The following EFCAB5 variants were observed in gnomAD, a reference collection of about 807,000 sequenced individuals.
The protein encoded by EFCAB5 is EF-hand calcium binding domain 5.
EFCAB5 carries 131 observed loss-of-function variants against 167.9 expected under a neutral mutation model. The ratio of observed to expected loss-of-function variants is 0.78; its 90% confidence interval spans 0.68 to 0.90. The LOEUF is 0.90. Among genes scored for constraint, EFCAB5 ranks in the 40% least tolerant of loss-of-function variants. EFCAB5 has a pLI of 0.00. For missense variants in EFCAB5, 1,663 were observed against 1,745.2 expected (o/e 0.95, Z 0.84); for synonymous variants, 574 against 602.8 (o/e 0.95, Z 0.70).
chr17:30,012,083 G>A (rs1490676743), intron 7 of EFCAB5, among the ~76,000 whole-genome samples: 1 of 152,194 alleles, frequency 6.6e-6, no homozygotes. Context: ...CCCAGACAGG[G>A]CCACCAGAGG....
chr17:29,973,874 A>G (rs1324270986), intron 4 of EFCAB5, among the ~76,000 whole-genome samples: 1 of 150,886 alleles, frequency 6.6e-6, no homozygotes, highest in African/African-American at 2.4e-5. Context: ...AAGCTTCAAA[A>G]TGGCCCAGCG....
At chr17:30,049,045 C>G (rs2070008653) in intron 8 of EFCAB5, among the ~76,000 whole-genome samples, 1 of 151,932 alleles carries the variant, frequency 6.6e-6, no homozygotes, top group African/African-American at 2.4e-5. Flanking sequence ...ATACATAGAC[C>G]TTGATTGTAT....
chr17:30,099,626 A>G (rs1039878009), intron 22 of EFCAB5, among the ~76,000 whole-genome samples: 6 of 152,118 alleles, frequency 3.9e-5, no homozygotes, highest in Admixed American at 3.9e-4. Flanking sequence ...GGCTTTTTCA[A>G]TTGTGAAATC....
intron 6 of EFCAB5, among the ~76,000 whole-genome samples, chr17:29,999,512 A>T (rs1173706357): frequency 6.6e-6 from 1 of 152,122 alleles, no homozygotes; most frequent in East Asian, 1.9e-4. Flanking sequence ...TTTATGCATT[A>T]TTTAATTTAA....
chr17:30,030,417 C>T (rs1233215071), intron 7 of EFCAB5, among the ~76,000 whole-genome samples: 10 of 152,148 alleles, frequency 6.6e-5, no homozygotes, highest in Non-Finnish European at 1.2e-4. Context: ...AATCTCGGCT[C>T]ATTGCAACCT....
At chr17:29,945,003 C>G (rs935673509) in intron 3 of EFCAB5, among the ~76,000 whole-genome samples, 1 of 152,138 alleles carries the variant, frequency 6.6e-6, no homozygotes, top group African/African-American at 2.4e-5. Context: ...TAGCCCCATC[C>G]TTAACCCAAA....
intron 3 of EFCAB5, 96 bp downstream of exon 3, chr17:29,943,745 G>A (rs2067339391): frequency 1.0e-5 from 11 of 1,063,926 alleles, no homozygotes; most frequent in African/African-American, 4.9e-5. Flanking sequence ...AGGCCGAGGC[G>A]GGTGGATCAT....
chr17:30,038,495 T>C (rs935832188), intron 8 of EFCAB5, among the ~76,000 whole-genome samples: 1 of 152,220 alleles, frequency 6.6e-6, no homozygotes, highest in African/African-American at 2.4e-5. Flanking sequence ...GATGGAGATG[T>C]ACAAGGAGAT....
At chr17:29,972,966 A>C (rs571162076) in intron 4 of EFCAB5, 15 of 153,300 alleles carry the variant, frequency 9.8e-5, no homozygotes, top group Non-Finnish European at 7.3e-5. Flanking sequence ...CACACCAGCT[A>C]TTCAGGGTAG....
chr17:30,080,835 C>A lies in EFCAB5; in HGVS notation c.3280C>A (p.Arg1094Ser), dbSNP rs374387593. 8 of 1,613,654 alleles carry A rather than the reference C, an allele frequency of 5.0e-6. No individual in the cohort carries two copies. In the African/African-American group the frequency reaches 9.3e-5, roughly 19 times the overall value. ...HGNIFFWNQS[R>S]NKHDYNGSFL... ...GAACATCTTCTTCTGGAACCAGTCC[C>A]GTAATAAGCATGATTATAATGGTTC... Residue 1094 changes from arginine to serine, a missense_variant, in exon 17 of 23, where the codon CGT (arginine) becomes AGT (serine). By Grantham distance (110) the Arg-to-Ser change is moderately radical (BLOSUM62 -1). Coordinates refer to ENST00000394835, the MANE Select transcript of EFCAB5 (RefSeq NM_198529.4).
chr17:29,953,563 C>G (rs1379808840), intron 3 of EFCAB5, among the ~76,000 whole-genome samples: 1 of 152,210 alleles, frequency 6.6e-6, no homozygotes, highest in Non-Finnish European at 1.5e-5. Flanking sequence ...TCCTTCTTTG[C>G]CTTCCACCGT....
chr17:30,013,226 G>A (rs1157982028), intron 7 of EFCAB5, among the ~76,000 whole-genome samples: 2 of 152,030 alleles, frequency 1.3e-5, no homozygotes, highest in Non-Finnish European at 2.9e-5. Context: ...CAGGATTTTC[G>A]CATTGATGTT....
intron 3 of EFCAB5, among the ~76,000 whole-genome samples, chr17:29,944,617 G>GTTT (rs1223652580): frequency 3.9e-4 from 55 of 139,476 alleles, no homozygotes; most frequent in Middle Eastern, 3.8e-3. Flanking sequence ...GTTGTTTTCT[G>GTTT]TTTTGTTTTG....
At chr17:30,087,296 T>C in intron 19 of EFCAB5, 130 bp downstream of exon 19, 1 of 669,804 alleles carries the variant, frequency 1.5e-6, no homozygotes, top group South Asian at 2.3e-5. Flanking sequence ...AATTTAATTT[T>C]ATTTTATTTT....
At chr17:30,059,900 C>G (rs972553076) in intron 14 of EFCAB5, 199 bp downstream of exon 14, 3 of 320,126 alleles carry the variant, frequency 9.4e-6, no homozygotes, top group Non-Finnish European at 1.6e-5. Context: ...GCTGCCCAGG[C>G]TGGGCTCTAA....
Position 30,055,020 on chromosome 17 carries a change from G to T in EFCAB5, c.2195-868G>T, listed in dbSNP as rs575213050. Among the ~76,000 whole-genome samples the T allele has an allele frequency of 2.1e-4, 32 of 152,268 alleles. No individual in the cohort carries two copies. In the South Asian group the frequency reaches 6.4e-3, roughly 31 times the overall value. ...AGTGAAAAGGTGAAAATTCTCAGCT[G>T]GGCATGGTGGCTCATGCCTGTAATC... is the stretch of plus-strand genomic sequence containing the variant. On this transcript the variant is annotated intron_variant, in intron 10 of 22. Transcript: ENST00000394835.
intron 7 of EFCAB5, among the ~76,000 whole-genome samples, chr17:30,010,570 T>G (rs2068873541): frequency 6.6e-6 from 1 of 152,240 alleles, no homozygotes; most frequent in Non-Finnish European, 1.5e-5. Context: ...ATGATGAGCA[T>G]TTTTTCATGT....
At chr17:30,023,860 T>C (rs1163395601) in intron 7 of EFCAB5, among the ~76,000 whole-genome samples, 1 of 152,216 alleles carries the variant, frequency 6.6e-6, no homozygotes, top group African/African-American at 2.4e-5. Flanking sequence ...ATCTCTGGGA[T>C]GCAAGGCTGG....
chr17:30,069,897 C>T (rs1351677901), intron 14 of EFCAB5, among the ~76,000 whole-genome samples: 1 of 152,184 alleles, frequency 6.6e-6, no homozygotes, highest in Non-Finnish European at 1.5e-5. Context: ...ATGTAGCTAT[C>T]ATAAGGCTAG....
Sources: gnomAD v4.1 joint callset for allele counts (sites outside exome capture counted in the v4.1 genomes callset) on GRCh38, gnomAD v4.1.1 for gene constraint, MANE v1.5 for transcripts, NCBI Gene and HGNC (gene_info 2026-07-23, HGNC 2026-07-21) for gene names.